Variants in PLSCR2 observed in about 807,000 individuals in gnomAD.
PLSCR2 encodes the protein PL scramblase 2.
A neutral mutation model predicts 25.3 loss-of-function variants in PLSCR2; 18 were observed. The ratio of observed to expected loss-of-function variants is 0.71; its 90% CI spans 0.49 to 1.06. The LOEUF is 1.06. Ranked by LOEUF, PLSCR2 falls within the 50% of genes least tolerant of loss-of-function variation. PLSCR2 has a pLI of 0.00. For missense variants in PLSCR2, 243 were observed against 269.5 expected, an observed-to-expected ratio of 0.90 and a Z score of 0.69; for synonymous variants, 88 against 87.3, an observed-to-expected ratio of 1.01 and a Z score of -0.04.
chr3:146,454,156 A>C, exon 5 of PLSCR2: 7 of 1,581,364 alleles, frequency 4.4e-6, no homozygotes, highest in Non-Finnish European at 6.0e-6. Flanking sequence ...AGGAGCTTGG[A>C]TTTCTATCTA....
chr3:146,436,692 T>G (rs1259810362), intron 8 of PLSCR2, among the ~76,000 whole-genome samples: 1 of 152,128 alleles, frequency 6.6e-6, no homozygotes, highest in Non-Finnish European at 1.5e-5. Context: ...GATGGGGTTT[T>G]CTAAAGATAC....
intron 3 of PLSCR2, among the ~76,000 whole-genome samples, chr3:146,458,026 T>C (rs1576675141): frequency 6.6e-6 from 1 of 152,310 alleles, no homozygotes; most frequent in Admixed American, 6.5e-5. Context: ...AAATCATCTC[T>C]AGATTACTTA....
chr3:146,468,431 C>A (rs929665209), intron 1 of PLSCR2, among the ~76,000 whole-genome samples: 2 of 152,248 alleles, frequency 1.3e-5, no homozygotes, highest in Non-Finnish European at 2.9e-5. Flanking sequence ...GTTCCTGCAA[C>A]TGGCAAGTGG....
At chr3:146,397,302 A>T (rs1375413099) in intron 2 of PLSCR2, among the ~76,000 whole-genome samples, 1 of 152,074 alleles carries the variant, frequency 6.6e-6, no homozygotes, top group Non-Finnish European at 1.5e-5. Flanking sequence ...CATAATAAAA[A>T]TTTTTGCATT....
intron 2 of PLSCR2, among the ~76,000 whole-genome samples, chr3:146,396,772 G>A (rs2038289282): frequency 6.6e-6 from 1 of 152,124 alleles, no homozygotes; most frequent in South Asian, 2.1e-4. Context: ...ACACAGCCTT[G>A]TAAGTAGTGC....
intron 1 of PLSCR2, among the ~76,000 whole-genome samples, chr3:146,490,885 C>T (rs1576755239): frequency 1.3e-5 from 2 of 152,120 alleles, no homozygotes; most frequent in South Asian, 4.2e-4. Flanking sequence ...TTGATGCTGT[C>T]ATCATGTTGT....
At chr3:146,468,418 C>T (rs1231695815) in intron 1 of PLSCR2, among the ~76,000 whole-genome samples, 4 of 152,208 alleles carry the variant, frequency 2.6e-5, no homozygotes, top group Admixed American at 6.5e-5. Context: ...ACAACGACTG[C>T]CTGTTCCTGC....
Position 146,479,898 on chromosome 3 carries a change from A to T in PLSCR2, c.-293+15997T>A, listed in dbSNP as rs182573269. Reference sequence around the variant, plus strand: ...AACAACCAACTGTCTCTCAGACCACAGTACAATCAAATTAGAACTTAGGAT... The same window carrying T: ...AACAACCAACTGTCTCTCAGACCACTGTACAATCAAATTAGAACTTAGGAT... On this transcript the variant is annotated intron_variant, in intron 1 of 8. Transcript: ENST00000336685. Among the ~76,000 whole-genome samples, 5 of 152,370 alleles carry T rather than the reference A, an allele frequency of 3.3e-5. No individual in the cohort carries two copies. In the South Asian group the frequency reaches 6.2e-4, roughly 19 times the overall value.
At chr3:146,459,936 T>C in exon 2 of PLSCR2, 1 of 1,614,078 alleles carries the variant, frequency 6.2e-7, no homozygotes, top group Non-Finnish European at 8.5e-7. Context: ...ACCTGGCTGA[T>C]TTTGAACAGG....
At chr3:146,494,605 A>G (rs2043681297) in intron 1 of PLSCR2, 2 of 151,732 alleles carry the variant, frequency 1.3e-5, no homozygotes, top group Admixed American at 6.6e-5. Flanking sequence ...ATTATTCTTA[A>G]GTCTATTTAA....
At chr3:146,480,594 A>T (rs2043094539) in intron 1 of PLSCR2, among the ~76,000 whole-genome samples, 1 of 151,466 alleles carries the variant, frequency 6.6e-6, no homozygotes, top group African/African-American at 2.4e-5. Flanking sequence ...AGGCAATAAT[A>T]GCCTACCAAT....
At chr3:146,452,741 A>G (rs2040973450) in intron 5 of PLSCR2, among the ~76,000 whole-genome samples, 1 of 152,102 alleles carries the variant, frequency 6.6e-6, no homozygotes, top group Non-Finnish European at 1.5e-5. Flanking sequence ...AATAAATTAT[A>G]TTCCAATTAG....
intron 1 of PLSCR2, among the ~76,000 whole-genome samples, chr3:146,493,224 T>C (rs2043616129): frequency 6.6e-6 from 1 of 151,994 alleles, no homozygotes; most frequent in Admixed American, 6.6e-5. Context: ...ATACAAATAA[T>C]AGATGATAAC....
chr3:146,447,530 GT>G (rs1479179409), intron 6 of PLSCR2, among the ~76,000 whole-genome samples: 6 of 152,118 alleles, frequency 3.9e-5, no homozygotes, highest in African/African-American at 1.4e-4. Flanking sequence ...TCAGGACTCT[GT>G]TTAGTGTCCT....
chr3:146,428,169 G>A (rs934624408), intron 2 of PLSCR2, among the ~76,000 whole-genome samples: 40 of 152,184 alleles, frequency 2.6e-4, no homozygotes, highest in Admixed American at 6.5e-4. Context: ...CTCTGTAAAG[G>A]GTATCTGAAA....
chr3:146,469,773 T>TG (rs1390048069), intron 1 of PLSCR2, among the ~76,000 whole-genome samples: 1 of 129,510 alleles, frequency 7.7e-6, no homozygotes, highest in African/African-American at 2.9e-5. Flanking sequence ...GGGGCGCGAC[T>TG]GCACCCACCC....
chr3:146,408,888 C>G (rs1229902673), intron 2 of PLSCR2, among the ~76,000 whole-genome samples: 1 of 152,054 alleles, frequency 6.6e-6, no homozygotes, highest in Admixed American at 6.6e-5. Context: ...GGTCTCAGGC[C>G]AGGTGGAGGG....
intron 3 of PLSCR2, among the ~76,000 whole-genome samples, chr3:146,393,419 TTCTC>T (rs990668475): frequency 1.3e-5 from 2 of 152,144 alleles, no homozygotes; most frequent in African/African-American, 2.4e-5. Context: ...ATGATAATGA[TTCTC>T]TCTAATTTGT....
At chr3:146,437,727 C>G (rs183193196), downstream of PLSCR2, among the ~76,000 whole-genome samples, 2 of 152,194 alleles carry the variant, frequency 1.3e-5, no homozygotes, top group East Asian at 3.9e-4. Context: ...AATCCACCTC[C>G]TGGATTCATT....
Sources: gnomAD v4.1 joint callset for allele counts (sites outside exome capture counted in the v4.1 genomes callset) on GRCh38, gnomAD v4.1.1 for gene constraint, MANE v1.5 for transcripts, NCBI Gene and HGNC (gene_info 2026-07-23, HGNC 2026-07-21) for gene names.